EAF2: variants seen among roughly 807,000 people sequenced by gnomAD.
EAF2 encodes ELL associated factor 2.
A neutral mutation model predicts 29.4 loss-of-function variants in EAF2; 29 were observed. The observed-to-expected ratio is 0.99, with a 90% CI of 0.73 to 1.35. The LOEUF (loss-of-function observed/expected upper bound fraction) is 1.35, where lower values mean the gene tolerates loss of function less well. Ranked by LOEUF, EAF2 falls within the 40% of genes most tolerant of loss-of-function variation. The probability of loss-of-function intolerance (pLI) is 0.00; values close to 1 mark genes in which losing one functional copy is unlikely to be tolerated. For synonymous variants in EAF2, 103 were observed against 102.5 expected, an observed-to-expected ratio of 1.00 and a Z score of -0.03; for missense variants, 292 against 312.0, an observed-to-expected ratio of 0.94 and a Z score of 0.48.
At chr3:121,835,471 T>G in intron 1 of EAF2, 80 bp downstream of exon 1, 1 of 1,280,884 alleles carries the variant, frequency 7.8e-7, no homozygotes, top group Non-Finnish European at 1.1e-6. Context: ...TGGGTTTTGT[T>G]CCCACAGTAC....
chr3:121,842,014 A>T (rs968001842), intron 1 of EAF2, among the ~76,000 whole-genome samples: 1 of 151,648 alleles, frequency 6.6e-6, no homozygotes, highest in South Asian at 2.1e-4. Context: ...AAAAATAAAA[A>T]AAAAATAAAA....
In EAF2 at chr3:121,872,683, A is replaced by T. The variant is rs1475808486; in HGVS notation, c.631A>T (p.Asn211Tyr). 15 of 1,612,926 alleles carry T rather than the reference A, an allele frequency of 9.3e-6. No individual in the cohort carries two copies. Among genetic ancestry groups the T allele is most frequent in the Middle Eastern group, 1.7e-4 (1 of 6,054 alleles). ...DCKSSTSDTG[N>Y]CVSGHPTMTQ... ...CAAATCCTCTACTTCTGATACAGGGAATTGTGTCTCAGGACATCCTACCAT... is the reference window on the plus strand; with the variant it reads ...CAAATCCTCTACTTCTGATACAGGGTATTGTGTCTCAGGACATCCTACCAT... The change falls in exon 5 of 6, where the codon AAT (asparagine) becomes TAT (tyrosine). Residue 211 changes from asparagine to tyrosine, a missense_variant. Physicochemically the swap from Asn to Tyr is moderately radical, Grantham distance 143. Coordinates refer to ENST00000273668, the MANE Select transcript of EAF2 (RefSeq NM_018456.6).
At chr3:121,855,202 C>T (rs1708698818) in intron 3 of EAF2, among the ~76,000 whole-genome samples, 1 of 152,132 alleles carries the variant, frequency 6.6e-6, no homozygotes, top group Non-Finnish European at 1.5e-5. Flanking sequence ...GGAAAGTTTG[C>T]TCTGCAAACA....
chr3:121,858,255 G>T (rs547335047), intron 4 of EAF2, among the ~76,000 whole-genome samples: 5 of 152,202 alleles, frequency 3.3e-5, no homozygotes, highest in Admixed American at 3.3e-4. Flanking sequence ...ACAGTCTTCC[G>T]CAATGGTTGA....
intron 2 of EAF2, among the ~76,000 whole-genome samples, chr3:121,854,177 G>A (rs914538340): frequency 1.1e-4 from 16 of 151,808 alleles, no homozygotes; most frequent in Admixed American, 2.6e-4. Flanking sequence ...TTAGCTGGGC[G>A]TGGTTGTCCA....
At chr3:121,860,043 G>C (rs1708797684) in intron 4 of EAF2, among the ~76,000 whole-genome samples, 1 of 152,226 alleles carries the variant, frequency 6.6e-6, no homozygotes, top group Non-Finnish European at 1.5e-5. Flanking sequence ...TGGTGGATAA[G>C]CTTTTTGATG....
intron 5 of EAF2, among the ~76,000 whole-genome samples, chr3:121,885,859 G>C (rs1445650929): frequency 1.3e-5 from 2 of 151,958 alleles, no homozygotes; most frequent in African/African-American, 2.4e-5. Context: ...TTTGTTTACT[G>C]TCTGTCTCCC....
chr3:121,844,602 T>A, intron 2 of EAF2, 55 bp downstream of exon 2: 1 of 1,179,398 alleles, frequency 8.5e-7, no homozygotes, highest in East Asian at 2.5e-5. Context: ...TCAGTAAATT[T>A]AAATGAAAAT....
At chr3:121,842,628 A>G (rs1019726785) in intron 1 of EAF2, among the ~76,000 whole-genome samples, 2 of 152,212 alleles carry the variant, frequency 1.3e-5, no homozygotes, top group Admixed American at 6.5e-5. Context: ...ATTGATCAGC[A>G]TGTAATAGCT....
chr3:121,881,809 C>A (rs796708118), intron 5 of EAF2, among the ~76,000 whole-genome samples: 7 of 152,098 alleles, frequency 4.6e-5, no homozygotes, highest in African/African-American at 1.7e-4. Flanking sequence ...ATGCACCCAG[C>A]CTTAATTATA....
chr3:121,885,908 T>C (rs577224728), intron 5 of EAF2, among the ~76,000 whole-genome samples: 1 of 152,326 alleles, frequency 6.6e-6, no homozygotes, highest in African/African-American at 2.4e-5. Flanking sequence ...AGTACATAGA[T>C]GAATTACAAA....
intron 5 of EAF2, among the ~76,000 whole-genome samples, chr3:121,885,423 A>G (rs1467227009): frequency 6.6e-6 from 1 of 152,220 alleles, no homozygotes; most frequent in Non-Finnish European, 1.5e-5. Context: ...TTACTGATCT[A>G]CAACCGGTTT....
intron 5 of EAF2, among the ~76,000 whole-genome samples, chr3:121,874,092 C>T (rs1412979300): frequency 6.6e-6 from 1 of 151,832 alleles, no homozygotes; most frequent in Non-Finnish European, 1.5e-5. Flanking sequence ...AATAGATGCT[C>T]AGCAAATACT....
chr3:121,876,192 G>GA (rs1709092374), intron 5 of EAF2, among the ~76,000 whole-genome samples: 1 of 151,930 alleles, frequency 6.6e-6, no homozygotes. Flanking sequence ...AGAATAGTCT[G>GA]ACAGCAGACA....
At chr3:121,854,398 C>A (rs1021681108) in intron 2 of EAF2, among the ~76,000 whole-genome samples, 1 of 150,880 alleles carries the variant, frequency 6.6e-6, no homozygotes, top group Non-Finnish European at 1.5e-5. Context: ...TGGTTGTGTT[C>A]GAATTGAATC....
intron 4 of EAF2, among the ~76,000 whole-genome samples, chr3:121,870,050 A>T (rs1708985225): frequency 6.6e-6 from 1 of 152,202 alleles, no homozygotes; most frequent in African/African-American, 2.4e-5. Flanking sequence ...ATTAGTAATT[A>T]AAAAGCACCC....
chr3:121,861,910 T>C (rs1708839982), intron 4 of EAF2, among the ~76,000 whole-genome samples: 1 of 152,234 alleles, frequency 6.6e-6, no homozygotes, highest in African/African-American at 2.4e-5. Flanking sequence ...TAAAGGATTT[T>C]ATTTCTCCTT....
intron 2 of EAF2, 49 bp downstream of exon 2, chr3:121,844,596 T>G: frequency 8.1e-7 from 1 of 1,233,428 alleles, no homozygotes; most frequent in Non-Finnish European, 1.2e-6. Flanking sequence ...GGATTCTCAG[T>G]AAATTTAAAT....
chr3:121,844,349 A>C (rs1708484718), intron 1 of EAF2, 104 bp from the exon 2 acceptor site: 2 of 703,338 alleles, frequency 2.8e-6, no homozygotes, highest in South Asian at 1.7e-5. Flanking sequence ...CATTTTAATT[A>C]CAAAGCTCTT....
Sources: allele counts gnomAD v4.1 joint callset (sites outside exome capture counted in the v4.1 genomes callset), GRCh38; gene constraint gnomAD v4.1.1; transcripts MANE v1.5; gene names NCBI Gene and HGNC (gene_info 2026-07-23, HGNC 2026-07-21).